NFIB: variants seen among roughly 807,000 people sequenced by gnomAD.
NFIB encodes the protein nuclear factor 1 B-type.
In NFIB, 11 loss-of-function variants were observed where a neutral mutation model predicts 61.5. That is an observed-to-expected ratio of 0.18 (90% CI 0.11 to 0.30). NFIB has a LOEUF of 0.30. Ranked by LOEUF, NFIB falls within the 10% of genes least tolerant of loss-of-function variation. The pLI is 1.00. For missense variants in NFIB, 471 were observed against 608.9 expected (o/e 0.77, Z 2.38); for synonymous variants, 260 against 216.5 (o/e 1.20, Z -1.76).
rs369092359 is a variant in NFIB at position 14,138,546 on chromosome 9, T to C, written c.925+8143A>G. On this transcript the variant is annotated intron_variant, in intron 6 of 10. Transcript: ENST00000380953. ...TGTTAAATTGATAATAGTACTGTGA[T>C]TATGTAAAAAAAAAAAGTTCATTGT... Among the ~76,000 whole-genome samples the C allele has an allele frequency of 3.6e-4, 55 of 151,870 alleles. 1 individual carries two copies. The South Asian group carries it at 0.011, about 31-fold the overall frequency.
chr9:14,402,231 T>C (rs572365099), upstream of NFIB, among the ~76,000 whole-genome samples: 200 of 152,318 alleles, frequency 1.3e-3, 3 homozygotes, highest in African/African-American at 4.6e-3. Flanking sequence ...TGAATTACAT[T>C]GCCACCTCAA....
intron 2 of NFIB, among the ~76,000 whole-genome samples, chr9:14,183,616 G>A (rs1327734084): frequency 6.6e-6 from 1 of 151,940 alleles, no homozygotes; most frequent in Non-Finnish European, 1.5e-5. Context: ...TGTTGGTCAG[G>A]CTGGTCTTGA....
At chr9:14,451,856 T>G in the NFIB span, among the ~76,000 whole-genome samples, 7 of 152,138 alleles carry the variant, frequency 4.6e-5, no homozygotes, top group African/African-American at 1.7e-4. Flanking sequence ...GAAGCCCCAT[T>G]TATTTAAAGC....
chr9:14,300,646 T>C (rs565867800), intron 2 of NFIB, among the ~76,000 whole-genome samples: 23 of 152,340 alleles, frequency 1.5e-4, no homozygotes, highest in African/African-American at 5.5e-4. Flanking sequence ...ACTTCTTTGA[T>C]TATAAGTCCA....
intron 2 of NFIB, among the ~76,000 whole-genome samples, chr9:14,231,131 AAAAAATATATATATATAT>A (rs2053110569): frequency 5.3e-5 from 4 of 75,450 alleles, no homozygotes; most frequent in East Asian, 3.5e-4. Flanking sequence ...AAAAAAAAAA[AAAAAATATATATATATAT>A]ATATATATAT....
chr9:14,277,310 T>C (rs912146256), intron 2 of NFIB, among the ~76,000 whole-genome samples: 44 of 149,528 alleles, frequency 2.9e-4, no homozygotes, highest in African/African-American at 1.0e-3. Context: ...GCAATATGCA[T>C]GTGCACCCGC....
chr9:14,249,979 A>T, intron 2 of NFIB, among the ~76,000 whole-genome samples: 1 of 152,204 alleles, frequency 6.6e-6, no homozygotes, highest in East Asian at 1.9e-4. Flanking sequence ...CAGTAGGAAC[A>T]AACATGATAA....
chr9:14,269,051 T>C (rs1174205285), intron 2 of NFIB, among the ~76,000 whole-genome samples: 2 of 152,092 alleles, frequency 1.3e-5, no homozygotes, highest in Non-Finnish European at 2.9e-5. Context: ...TATGTTCTAG[T>C]ACATATGAGT....
chr9:14,341,976 C>A (rs1474380041), intron 1 of NFIB, among the ~76,000 whole-genome samples: 1 of 150,990 alleles, frequency 6.6e-6, no homozygotes, highest in Non-Finnish European at 1.5e-5. Context: ...TTGACAAGGT[C>A]AAAATACCAA....
the NFIB span, among the ~76,000 whole-genome samples, chr9:14,519,093 G>C: frequency 0.19 from 28,765 of 152,058 alleles, 2,908 homozygotes; most frequent in South Asian, 0.28. Flanking sequence ...TGTGTATGGT[G>C]GTGATGGTGG....
the NFIB span, among the ~76,000 whole-genome samples, chr9:14,491,245 C>G: frequency 1.3e-5 from 2 of 151,852 alleles, no homozygotes; most frequent in African/African-American, 4.8e-5. Flanking sequence ...CAGTAAGCAC[C>G]CTGTGTTAGC....
chr9:14,327,845 A>G (rs1230500584), intron 1 of NFIB, among the ~76,000 whole-genome samples: 2 of 152,196 alleles, frequency 1.3e-5, no homozygotes, highest in East Asian at 3.9e-4. Flanking sequence ...ACCCTCCTAT[A>G]ATATATTCAA....
intron 2 of NFIB, among the ~76,000 whole-genome samples, chr9:14,252,094 C>T (rs2055696077): frequency 6.6e-6 from 1 of 152,010 alleles, no homozygotes. Context: ...CTGTGATTAC[C>T]CTTATCTTTC....
At chr9:14,365,972 AG>A (rs1378102185) in intron 1 of NFIB, among the ~76,000 whole-genome samples, 1 of 152,182 alleles carries the variant, frequency 6.6e-6, no homozygotes, top group African/African-American at 2.4e-5. Context: ...TCTCTATGTC[AG>A]GGCCATTCAG....
At chr9:14,530,948 T>C in the NFIB span, among the ~76,000 whole-genome samples, 1 of 152,032 alleles carries the variant, frequency 6.6e-6, no homozygotes, top group South Asian at 2.1e-4. Flanking sequence ...AAAGTAAATG[T>C]TCAGATGAAT....
intron 9 of NFIB, among the ~76,000 whole-genome samples, chr9:14,115,476 C>G (rs561946512): frequency 6.6e-6 from 1 of 152,226 alleles, no homozygotes; most frequent in South Asian, 2.1e-4. Context: ...AAGTATTTTA[C>G]ATGAAAAAAC....
the NFIB span, among the ~76,000 whole-genome samples, chr9:14,421,777 G>A: frequency 2.0e-5 from 3 of 152,180 alleles, no homozygotes; most frequent in Non-Finnish European, 4.4e-5. Flanking sequence ...TTCAATGAAA[G>A]TGCATATTCT....
chr9:14,097,936 G>A (rs1184650242), intron 10 of NFIB, among the ~76,000 whole-genome samples: 1 of 123,454 alleles, frequency 8.1e-6, no homozygotes. Flanking sequence ...AACCTTTACT[G>A]GCTGCTAAAT....
chr9:14,214,695 T>A (rs1428701790), intron 2 of NFIB, among the ~76,000 whole-genome samples: 1 of 152,256 alleles, frequency 6.6e-6, no homozygotes, highest in East Asian at 1.9e-4. Flanking sequence ...TCATGGTCTA[T>A]AAATTTGTAC....
Sources: gnomAD v4.1 joint callset for allele counts (sites outside exome capture counted in the v4.1 genomes callset) on GRCh38, gnomAD v4.1.1 for gene constraint, MANE v1.5 for transcripts, NCBI Gene and HGNC (gene_info 2026-07-23, HGNC 2026-07-21) for gene names.